The following C3orf80 variants were observed in gnomAD, a reference collection of about 807,000 sequenced individuals.
The protein encoded by C3orf80 is uncharacterized membrane protein C3orf80.
A neutral mutation model predicts 15.8 loss-of-function variants in C3orf80; 10 were observed. That is an observed-to-expected ratio of 0.63 (90% CI 0.39 to 1.07). The LOEUF (loss-of-function observed/expected upper bound fraction) is 1.07, where lower values mean the gene tolerates loss of function less well. Ranked by LOEUF, C3orf80 falls within the 50% of genes least tolerant of loss-of-function variation. The pLI is 0.01. For synonymous variants in C3orf80, 183 were observed against 192.0 expected (o/e 0.95, Z 0.39); for missense variants, 364 against 379.3 (o/e 0.96, Z 0.34).
Position 160,228,033 on chromosome 3 carries a change from T to A in C3orf80, c.*1654T>A, listed in dbSNP as rs1448201117. On this transcript the variant is annotated 3_prime_UTR_variant, in exon 1 of 1. Coordinates refer to ENST00000326474, the MANE Select transcript of C3orf80 (RefSeq NM_001168214.2). ...TATTGAAGAAAATTATTTAATTAAA[T>A]TTTTAAAGGCTGGTTGAAAAAGTCT... 6.6e-6 allele frequency: 1 copy of A among 152,186 alleles called. No individual in the cohort carries two copies. Among genetic ancestry groups the A allele is most frequent in the African/African-American group, 2.4e-5 (1 of 41,462 alleles). The allele number at this position is 152,186 out of a possible 1,614,324, so 9.4% of individuals were successfully genotyped here.
chr3:160,226,113 A>G lies in C3orf80; in HGVS notation c.478A>G (p.Ser160Gly). ...CGGCTCTCAGGACTCACTGCTGGACAGTGGCGGCGGCGGCCGGGGCCGGGG... is the reference window on the plus strand; with the variant it reads ...CGGCTCTCAGGACTCACTGCTGGACGGTGGCGGCGGCGGCCGGGGCCGGGG... ...AAGSQDSLLD[S>G]GGGGRGRGGG... The change falls in exon 1 of 1, where the codon AGT becomes GGT. Residue 160 changes from serine to glycine, a missense_variant. Coordinates refer to ENST00000326474, the MANE Select transcript of C3orf80 (RefSeq NM_001168214.2). The surrounding 1 kb of genome is among the most constrained non-coding windows in gnomAD (Gnocchi z 5.2). The G allele has an allele frequency of 6.6e-7, 1 of 1,516,774 alleles. No individual in the cohort carries two copies. Among genetic ancestry groups the G allele is most frequent in the Non-Finnish European group, 8.8e-7 (1 of 1,138,938 alleles). The allele number at this position is 1,516,774 out of a possible 1,614,324, so 94.0% of individuals were successfully genotyped here.
Position 160,225,980 on chromosome 3 carries a change from C to A in C3orf80, c.345C>A (p.Arg115=). 7.3e-7 allele frequency: 1 copy of A among 1,368,844 alleles called. No individual in the cohort carries two copies. Among genetic ancestry groups the A allele is most frequent in the South Asian group, 1.8e-5 (1 of 56,742 alleles). 84.8% of individuals were successfully genotyped at this position (1,368,844 alleles called of 1,614,324 possible). A position where few individuals can be genotyped will look rare whatever the true frequency, so the allele number is the denominator to read the frequency against. ...SPRRYPRGQA[R]PGQRPGPPGG... ...GCAGGTACCCGCGCGGCCAGGCGCGCCCGGGACAGCGGCCCGGGCCTCCGG... is the reference window on the plus strand; with the variant it reads ...GCAGGTACCCGCGCGGCCAGGCGCGACCGGGACAGCGGCCCGGGCCTCCGG... Residue 115 remains arginine, a synonymous_variant, in exon 1 of 1, where the codon CGC becomes CGA. Coordinates refer to ENST00000326474, the MANE Select transcript of C3orf80 (RefSeq NM_001168214.2). This position sits in a 1 kb window ranked among gnomAD's most constrained non-coding sequence, Gnocchi z 5.6.
Position 160,225,749 on chromosome 3 carries a change from CG to C in C3orf80, c.119del (p.Gly40AlafsTer146). 2.9e-6 allele frequency: 4 copies of C among 1,371,358 alleles called. No homozygotes were observed. The highest frequency in any genetic ancestry group is 1.7e-5 in the South Asian group (1 of 57,192). 84.9% of individuals were successfully genotyped at this position (1,371,358 alleles called of 1,614,324 possible). A position where few individuals can be genotyped will look rare whatever the true frequency, so the allele number is the denominator to read the frequency against. On this transcript the variant is annotated frameshift_variant, in exon 1 of 1. Coordinates refer to ENST00000326474, the MANE Select transcript of C3orf80 (RefSeq NM_001168214.2). LOFTEE classifies it high-confidence loss of function. This position sits in a 1 kb window ranked among gnomAD's most constrained non-coding sequence, Gnocchi z 5.6. ...LALVAPSRGG[G>X]GCAELACGER... ...CGCTGGTGGCGCCCTCGCGGGGCGG[CG>C]GGGGCTGCGCTGAGCTGGCGTGCGG...
rs903009062 is a variant in C3orf80 at position 160,226,004 on chromosome 3, G to A, written c.369G>A (p.Pro123=). The change falls in exon 1 of 1, where the codon CCG becomes CCA. Residue 123 remains proline (P), a synonymous_variant. Coordinates refer to ENST00000326474, the MANE Select transcript of C3orf80 (RefSeq NM_001168214.2). This position sits in a 1 kb window ranked among gnomAD's most constrained non-coding sequence, Gnocchi z 5.2. ...QARPGQRPGP[P]GGAGPLGGAG... ...GCCCGGGACAGCGGCCCGGGCCTCCGGGGGGCGCCGGACCGCTGGGGGGCG... is the reference window on the plus strand; with the variant it reads ...GCCCGGGACAGCGGCCCGGGCCTCCAGGGGGCGCCGGACCGCTGGGGGGCG... 8 of 1,317,266 alleles carry A rather than the reference G, an allele frequency of 6.1e-6. No homozygotes were observed. The highest frequency in any genetic ancestry group is 3.1e-5 in the African/African-American group (2 of 65,158). The allele number at this position is 1,317,266 out of a possible 1,614,324, so 81.6% of individuals were successfully genotyped here.
rs1576692464 is a variant in C3orf80, at chr3:160,225,681, G to A, written c.46G>A (p.Ala16Thr). Residue 16 changes from alanine (A) to threonine (T), a missense_variant, in exon 1 of 1, where the codon GCG (alanine) becomes ACG (threonine). Coordinates refer to ENST00000326474, the MANE Select transcript of C3orf80 (RefSeq NM_001168214.2). The surrounding 1 kb of genome is among the most constrained non-coding windows in gnomAD (Gnocchi z 5.6). ...VTAEGLSVAP[A>T]PPPLLPLLLL... The stretch of plus-strand genomic sequence containing the variant: ...TGCTGAGGGCCTGTCGGTGGCTCCG[G>A]CGCCGCCGCCTCTGCTGCCGCTGCT... 2.1e-6 allele frequency: 3 copies of A among 1,395,414 alleles called. No individual in the cohort carries two copies. The highest frequency in any genetic ancestry group is 2.8e-6 in the Non-Finnish European group (3 of 1,080,220). 86.4% of individuals were successfully genotyped at this position (1,395,414 alleles called of 1,614,324 possible). A position where few individuals can be genotyped will look rare whatever the true frequency, so the allele number is the denominator to read the frequency against.
In C3orf80 at chr3:160,225,504, C is replaced by T. The variant is rs1725644985; in HGVS notation, c.-132C>T. ...GTGGCCAAGTGAGGACTGCTCCGGCCGCAGGTAGCTGAGGCGCGGGAGGCG... is the reference window on the plus strand; with the variant it reads ...GTGGCCAAGTGAGGACTGCTCCGGCTGCAGGTAGCTGAGGCGCGGGAGGCG... On this transcript the variant is annotated 5_prime_UTR_variant, in exon 1 of 1. Coordinates refer to ENST00000326474, the MANE Select transcript of C3orf80 (RefSeq NM_001168214.2). The surrounding 1 kb of genome is among the most constrained non-coding windows in gnomAD (Gnocchi z 5.6). 1 of 892,720 alleles carries T rather than the reference C, an allele frequency of 1.1e-6. No homozygotes were observed. 55.3% of individuals were successfully genotyped at this position (892,720 alleles called of 1,614,324 possible). A position where few individuals can be genotyped will look rare whatever the true frequency, so the allele number is the denominator to read the frequency against.
rs1180503738 is a variant in C3orf80, at chr3:160,226,093, C to T, written c.458C>T (p.Ser153Phe). The T allele has an allele frequency of 5.4e-6, 8 of 1,483,302 alleles. No homozygotes were observed. Among genetic ancestry groups the T allele is most frequent in the Non-Finnish European group, 7.1e-6 (8 of 1,124,074 alleles). The allele number at this position is 1,483,302 out of a possible 1,614,324, so 91.9% of individuals were successfully genotyped here. The change falls in exon 1 of 1, where the codon TCT becomes TTT. Residue 153 changes from serine (S) to phenylalanine (F), a missense_variant. Physicochemically the swap from Ser to Phe is radical, Grantham distance 155. Transcript: ENST00000326474. This position sits in a 1 kb window ranked among gnomAD's most constrained non-coding sequence, Gnocchi z 5.2. ...ALLRDEAAAG[S>F]QDSLLDSGGG... ...CTGCGCGACGAGGCGGCAGCCGGCTCTCAGGACTCACTGCTGGACAGTGGC... is the reference window on the plus strand; with the variant it reads ...CTGCGCGACGAGGCGGCAGCCGGCTTTCAGGACTCACTGCTGGACAGTGGC...
In C3orf80 at chr3:160,225,586, C is replaced by G; in HGVS notation, c.-50C>G. On this transcript the variant is annotated 5_prime_UTR_variant, in exon 1 of 1. Transcript: ENST00000326474. This position sits in a 1 kb window ranked among gnomAD's most constrained non-coding sequence, Gnocchi z 5.6. ...AGGGGCCGACGGACGCGAGGGCGGA[C>G]GGACTCCCCAGCCTCCCGTCCCGGA... is the stretch of plus-strand genomic sequence containing the variant. The G allele has an allele frequency of 7.9e-7, 1 of 1,265,144 alleles. No individual in the cohort carries two copies. 78.4% of individuals were successfully genotyped at this position (1,265,144 alleles called of 1,614,324 possible).
In C3orf80 at chr3:160,226,191, G is replaced by A. The variant is rs1042462955; in HGVS notation, c.556G>A (p.Val186Met). The change falls in exon 1 of 1, where the codon GTG (valine) becomes ATG (methionine). Residue 186 changes from valine to methionine, a missense_variant. Physicochemically the swap from Val to Met is conservative, Grantham distance 21. Transcript: ENST00000326474. The surrounding 1 kb of genome is among the most constrained non-coding windows in gnomAD (Gnocchi z 5.2). ...SCASEHEMRV[V>M]SPVFLQLPSY... is the part of the protein sequence containing the mutation. ...CGCCTCAGAGCACGAGATGCGTGTA[G>A]TGTCGCCGGTCTTCCTGCAGCTGCC... 6 of 1,531,068 alleles carry A rather than the reference G, an allele frequency of 3.9e-6. No homozygotes were observed. The highest frequency in any genetic ancestry group is 2.8e-5 in the African/African-American group (2 of 71,940). The allele number at this position is 1,531,068 out of a possible 1,614,324, so 94.8% of individuals were successfully genotyped here.
chr3:160,226,023 G>A lies in C3orf80; in HGVS notation c.388G>A (p.Gly130Arg). ...PGPPGGAGPL[G>R]GAGPPDDDDD... ...GCCTCCGGGGGGCGCCGGACCGCTG[G>A]GGGGCGCGGGGCCGCCCGACGACGA... The change falls in exon 1 of 1, where the codon GGG becomes AGG. Residue 130 changes from glycine (G) to arginine (R), a missense_variant. Transcript: ENST00000326474. This position sits in a 1 kb window ranked among gnomAD's most constrained non-coding sequence, Gnocchi z 5.2. 3.7e-6 allele frequency: 5 copies of A among 1,349,124 alleles called. No individual in the cohort carries two copies. The highest frequency in any genetic ancestry group is 4.7e-6 in the Non-Finnish European group (5 of 1,057,822). 83.6% of individuals were successfully genotyped at this position (1,349,124 alleles called of 1,614,324 possible).
At position 160,226,648 on chromosome 3, in the gene C3orf80, C is replaced by G. The variant is rs1711500640; in HGVS notation, c.*269C>G. On this transcript the variant is annotated 3_prime_UTR_variant, in exon 1 of 1. Coordinates refer to ENST00000326474, the MANE Select transcript of C3orf80 (RefSeq NM_001168214.2). This position sits in a 1 kb window ranked among gnomAD's most constrained non-coding sequence, Gnocchi z 5.2. ...TCCAGCGCACCTTCGAAGGACGTCC[C>G]TGCCCTCTGCCTTGCCTCGTATTGT... 4.7e-6 allele frequency: 2 copies of G among 424,772 alleles called. No individual in the cohort carries two copies. The highest frequency in any genetic ancestry group is 1.1e-4 in the South Asian group (2 of 17,592). 26.3% of individuals were successfully genotyped at this position (424,772 alleles called of 1,614,324 possible).
rs1335977422 is a variant in C3orf80 at position 160,227,612 on chromosome 3, A to C, written c.*1233A>C. Reference sequence around the variant, plus strand: ...ATGATCCAAAACATAAGAACTTACGACTTGTAACTCGTTTAAAGCCATTAA... The same window carrying C: ...ATGATCCAAAACATAAGAACTTACGCCTTGTAACTCGTTTAAAGCCATTAA... On this transcript the variant is annotated 3_prime_UTR_variant, in exon 1 of 1. Transcript: ENST00000326474. 6.6e-6 allele frequency: 1 copy of C among 152,184 alleles called. No individual in the cohort carries two copies. The highest frequency in any genetic ancestry group is 1.5e-5 in the Non-Finnish European group (1 of 68,028). 9.4% of individuals were successfully genotyped at this position (152,184 alleles called of 1,614,324 possible).
chr3:160,226,625 C>A lies in C3orf80; in HGVS notation c.*246C>A, dbSNP rs1302363540. The A allele has an allele frequency of 2.2e-6, 1 of 458,800 alleles. No homozygotes were observed. The highest frequency in any genetic ancestry group is 2.0e-5 in the African/African-American group (1 of 48,818). 28.4% of individuals were successfully genotyped at this position (458,800 alleles called of 1,614,324 possible). A position where few individuals can be genotyped will look rare whatever the true frequency, so the allele number is the denominator to read the frequency against. On this transcript the variant is annotated 3_prime_UTR_variant, in exon 1 of 1. Coordinates refer to ENST00000326474, the MANE Select transcript of C3orf80 (RefSeq NM_001168214.2). The surrounding 1 kb of genome is among the most constrained non-coding windows in gnomAD (Gnocchi z 5.2). ...GGTGCGGCTGCAGCAGGCGACCCTC[C>A]AGCGCACCTTCGAAGGACGTCCCTG... is the stretch of plus-strand genomic sequence containing the variant.
chr3:160,226,728 G>T lies in C3orf80; in HGVS notation c.*349G>T, dbSNP rs889683972. 26 of 236,842 alleles carry T rather than the reference G, an allele frequency of 1.1e-4. No homozygotes were observed. Among genetic ancestry groups the T allele is most frequent in the Non-Finnish European group, 1.9e-4 (23 of 122,998 alleles). 14.7% of individuals were successfully genotyped at this position (236,842 alleles called of 1,614,324 possible). A position where few individuals can be genotyped will look rare whatever the true frequency, so the allele number is the denominator to read the frequency against. On this transcript the variant is annotated 3_prime_UTR_variant, in exon 1 of 1. Transcript: ENST00000326474. The surrounding 1 kb of genome is among the most constrained non-coding windows in gnomAD (Gnocchi z 5.2). The stretch of plus-strand genomic sequence containing the variant: ...TCAAAGAGAACACGTGAGCCCTTTG[G>T]TGCGTCGAGAGAAGGGCGGTCTTCT...
Position 160,225,831 on chromosome 3 carries a change from C to A in C3orf80, c.196C>A (p.Leu66Met). ...TNATAVRCCK[L>M]PLHAFLDNVG... Reference sequence around the variant, plus strand: ...CGCCACGGCGGTGCGCTGCTGCAAGCTGCCGCTGCACGCCTTCCTGGACAA... The same window carrying A: ...CGCCACGGCGGTGCGCTGCTGCAAGATGCCGCTGCACGCCTTCCTGGACAA... Residue 66 changes from leucine to methionine, a missense_variant, in exon 1 of 1, where the codon CTG becomes ATG. Leu to Met is a conservative substitution (Grantham distance 15). Coordinates refer to ENST00000326474, the MANE Select transcript of C3orf80 (RefSeq NM_001168214.2). This position sits in a 1 kb window ranked among gnomAD's most constrained non-coding sequence, Gnocchi z 5.6. The A allele has an allele frequency of 6.7e-7, 1 of 1,482,126 alleles. No homozygotes were observed. 91.8% of individuals were successfully genotyped at this position (1,482,126 alleles called of 1,614,324 possible). A position where few individuals can be genotyped will look rare whatever the true frequency, so the allele number is the denominator to read the frequency against.
In C3orf80 at chr3:160,227,272, T is replaced by C. The variant is rs1426743754; in HGVS notation, c.*893T>C. The C allele has an allele frequency of 6.6e-6, 1 of 152,250 alleles. No individual in the cohort carries two copies. The highest frequency in any genetic ancestry group is 1.9e-4 in the East Asian group (1 of 5,208). The allele number at this position is 152,250 out of a possible 1,614,324, so 9.4% of individuals were successfully genotyped here. Reference sequence around the variant, plus strand: ...GGAAATTGCCCATACTCTGTCATTATTGTTTAATAAATCATTAAATTATTT... The same window carrying C: ...GGAAATTGCCCATACTCTGTCATTACTGTTTAATAAATCATTAAATTATTT... On this transcript the variant is annotated 3_prime_UTR_variant, in exon 1 of 1. Coordinates refer to ENST00000326474, the MANE Select transcript of C3orf80 (RefSeq NM_001168214.2).
rs1711499738 is a variant in C3orf80 at position 160,226,371 on chromosome 3, C to T, written c.736C>T (p.Leu246Phe). 1 of 1,453,618 alleles carries T rather than the reference C, an allele frequency of 6.9e-7. No individual in the cohort carries two copies. The allele number at this position is 1,453,618 out of a possible 1,614,324, so 90.0% of individuals were successfully genotyped here. Residue 246 changes from leucine (L) to phenylalanine (F), a missense_variant, in exon 1 of 1, where the codon CTT (leucine) becomes TTT (phenylalanine). Leu to Phe is a conservative substitution (Grantham distance 22, BLOSUM62 0). Coordinates refer to ENST00000326474, the MANE Select transcript of C3orf80 (RefSeq NM_001168214.2). The surrounding 1 kb of genome is among the most constrained non-coding windows in gnomAD (Gnocchi z 5.2). ...EPDGGEGRYP[L>F]I is the part of the protein sequence containing the mutation. ...CGACGGCGGCGAGGGCCGCTACCCT[C>T]TTATCTGAGCGCTCGGGGATCGGCG...
rs1236458370 is a variant in C3orf80, at chr3:160,226,385, C to T, written c.*6C>T. 48 of 1,431,300 alleles carry T rather than the reference C, an allele frequency of 3.4e-5. No homozygotes were observed. Among genetic ancestry groups the T allele is most frequent in the Non-Finnish European group, 4.2e-5 (46 of 1,097,306 alleles). The allele number at this position is 1,431,300 out of a possible 1,614,324, so 88.7% of individuals were successfully genotyped here. On this transcript the variant is annotated 3_prime_UTR_variant, in exon 1 of 1. Coordinates refer to ENST00000326474, the MANE Select transcript of C3orf80 (RefSeq NM_001168214.2). The surrounding 1 kb of genome is among the most constrained non-coding windows in gnomAD (Gnocchi z 5.2). ...GCCGCTACCCTCTTATCTGAGCGCTCGGGGATCGGCGGCTGGTGCAGGGCT... is the reference window on the plus strand; with the variant it reads ...GCCGCTACCCTCTTATCTGAGCGCTTGGGGATCGGCGGCTGGTGCAGGGCT...
Position 160,227,646 on chromosome 3 carries a change from T to G in C3orf80, c.*1267T>G, listed in dbSNP as rs562309531. 3.9e-5 allele frequency: 6 copies of G among 152,338 alleles called. No homozygotes were observed. The highest frequency in any genetic ancestry group is 1.4e-4 in the African/African-American group (6 of 41,580). 9.4% of individuals were successfully genotyped at this position (152,338 alleles called of 1,614,324 possible). The stretch of plus-strand genomic sequence containing the variant: ...TCGTTTAAAGCCATTAATTGTGCAG[T>G]AATGTGCTACAGGATTCAATCAGCT... On this transcript the variant is annotated 3_prime_UTR_variant, in exon 1 of 1. Coordinates refer to ENST00000326474, the MANE Select transcript of C3orf80 (RefSeq NM_001168214.2).
Sources: gnomAD v4.1 joint callset for allele counts on GRCh38, gnomAD v4.1.1 for gene constraint, Gnocchi (gnomAD v3.1) non-coding constraint, MANE v1.5 for transcripts, NCBI Gene and HGNC (gene_info 2026-07-23, HGNC 2026-07-21) for gene names.